Variants in ZNF710 observed in about 807,000 individuals in gnomAD.
ZNF710 encodes zinc finger protein 710.
ZNF710 carries 13 observed loss-of-function variants against 50.6 expected under a neutral mutation model. The observed-to-expected ratio is 0.26, with a 90% CI of 0.17 to 0.41. ZNF710 has a LOEUF of 0.41. Among genes scored for constraint, ZNF710 ranks in the 10% least tolerant of loss-of-function variants. The pLI is 1.00. For synonymous variants in ZNF710, 383 were observed against 397.0 expected (o/e 0.96, Z 0.42); for missense variants, 721 against 936.6 (o/e 0.77, Z 3.01).
intron 1 of ZNF710, among the ~76,000 whole-genome samples, chr15:90,031,535 CTG>C (rs1190987621): frequency 6.6e-6 from 1 of 152,216 alleles, no homozygotes; most frequent in East Asian, 1.9e-4. Context: ...TTCTAAAAAA[CTG>C]TAACTCTGGT....
chr15:90,008,441 C>CATATATATATATATATATATATATATAT (rs1011267136), intron 1 of ZNF710, among the ~76,000 whole-genome samples: 8 of 126,510 alleles, frequency 6.3e-5, no homozygotes, highest in African/African-American at 3.0e-4. Flanking sequence ...TATATATATA[C>CATATATATATATATATATATATATATAT]ATATATATAT....
intron 1 of ZNF710, among the ~76,000 whole-genome samples, chr15:90,016,908 C>T (rs1192223811): frequency 1.3e-5 from 2 of 152,228 alleles, no homozygotes; most frequent in African/African-American, 2.4e-5. Context: ...CAGCCAGCCA[C>T]ATCAGACACT....
intron 1 of ZNF710, among the ~76,000 whole-genome samples, chr15:90,033,185 G>A (rs1270286574): frequency 6.6e-6 from 1 of 152,138 alleles, no homozygotes; most frequent in African/African-American, 2.4e-5. Flanking sequence ...GGCGATTGGT[G>A]GCTTCATCTC....
rs574423016 is a variant in ZNF710 at position 90,033,553 on chromosome 15, T to C, written c.-29+31939T>C. Among the ~76,000 whole-genome samples the C allele has an allele frequency of 3.9e-5, 6 of 152,294 alleles. 1 individual carries two copies. In the South Asian group the frequency reaches 1.0e-3, roughly 26 times the overall value. ...CTGCCTTGTCCCATATGTTCCTTTTTCCTGTTTTTTTAGAGACAGGTTCTC... is the reference window on the plus strand; with the variant it reads ...CTGCCTTGTCCCATATGTTCCTTTTCCCTGTTTTTTTAGAGACAGGTTCTC... On this transcript the variant is annotated intron_variant, in intron 1 of 4. Coordinates refer to ENST00000268154, the MANE Select transcript of ZNF710 (RefSeq NM_198526.4).
intron 1 of ZNF710, among the ~76,000 whole-genome samples, chr15:90,003,526 T>C (rs902764775): frequency 2.0e-5 from 3 of 151,996 alleles, no homozygotes; most frequent in Admixed American, 2.0e-4. Context: ...TGTGTCCCTA[T>C]TGCATCTTCA....
intron 1 of ZNF710, among the ~76,000 whole-genome samples, chr15:90,009,478 C>T (rs537891930): frequency 6.6e-6 from 1 of 152,098 alleles, no homozygotes; most frequent in Non-Finnish European, 1.5e-5. Flanking sequence ...CAGAACTCTT[C>T]CTGTCCTCCC....
At chr15:90,001,966 T>TGAGA (rs745830369) in intron 1 of ZNF710, among the ~76,000 whole-genome samples, 1,285 of 96,800 alleles carry the variant, frequency 0.013, 13 homozygotes, top group African/African-American at 0.031. Context: ...AGCGCGCGAA[T>TGAGA]GAGAGAGAGA....
chr15:90,067,115 C>T lies in ZNF710; in HGVS notation c.-23C>T. On this transcript the variant is annotated 5_prime_UTR_variant, in exon 2 of 5. Transcript: ENST00000268154. This position sits in a 1 kb window ranked among gnomAD's most constrained non-coding sequence, Gnocchi z 8.1. ...CTTCCCTTCTCCACCCACAGCGATG[C>T]CCTCCTAGCTAGCCGTCACGGGATG... 1.3e-6 allele frequency: 2 copies of T among 1,566,014 alleles called. No homozygotes were observed. The highest frequency in any genetic ancestry group is 1.7e-6 in the Non-Finnish European group (2 of 1,154,514).
In ZNF710 at chr15:90,067,598, G is replaced by T. The variant is rs779823949; in HGVS notation, c.461G>T (p.Ser154Ile). The T allele has an allele frequency of 6.2e-7, 1 of 1,610,586 alleles. No individual in the cohort carries two copies. Among genetic ancestry groups the T allele is most frequent in the Non-Finnish European group, 8.5e-7 (1 of 1,178,602 alleles). ...SGGCDALVQS[S>I]AVKMIDLSAF... Reference sequence around the variant, plus strand: ...GGCTGCGACGCCCTGGTGCAGAGCAGCGCCGTCAAGATGATCGACCTCAGC... The same window carrying T: ...GGCTGCGACGCCCTGGTGCAGAGCATCGCCGTCAAGATGATCGACCTCAGC... The change falls in exon 2 of 5, where the codon AGC (serine) becomes ATC (isoleucine). Residue 154 changes from serine (S) to isoleucine (I), a missense_variant. By Grantham distance (142) the Ser-to-Ile change is moderately radical. This residue lies in a region of ZNF710 where 326 missense variants were observed against 347.1 expected (regional missense o/e 0.94). Transcript: ENST00000268154. This position sits in a 1 kb window ranked among gnomAD's most constrained non-coding sequence, Gnocchi z 8.1.
chr15:90,020,662 G>C (rs1191685156), intron 1 of ZNF710, among the ~76,000 whole-genome samples: 4 of 152,228 alleles, frequency 2.6e-5, no homozygotes. Flanking sequence ...TTTCCCCTGG[G>C]GTGGGCTTTG....
At chr15:90,021,252 A>C (rs1390461277) in intron 1 of ZNF710, among the ~76,000 whole-genome samples, 1 of 152,212 alleles carries the variant, frequency 6.6e-6, no homozygotes, top group Non-Finnish European at 1.5e-5. Context: ...GCCCCGCTGA[A>C]GCGGCTCAGA....
At chr15:90,007,025 A>T (rs1898157117) in intron 1 of ZNF710, among the ~76,000 whole-genome samples, 1 of 151,876 alleles carries the variant, frequency 6.6e-6, no homozygotes, top group African/African-American at 2.4e-5. Flanking sequence ...GTTGATGGAG[A>T]CCCTGCAGAC....
chr15:90,027,857 A>G (rs1285712074), intron 1 of ZNF710, among the ~76,000 whole-genome samples: 2 of 151,872 alleles, frequency 1.3e-5, no homozygotes, highest in Admixed American at 1.3e-4. Context: ...AAAAAAAAAA[A>G]AAAAGATTTA....
At chr15:90,048,136 A>G (rs1200115456) in intron 1 of ZNF710, among the ~76,000 whole-genome samples, 1 of 152,228 alleles carries the variant, frequency 6.6e-6, no homozygotes, top group African/African-American at 2.4e-5. Context: ...CGGTTTTGCC[A>G]TTAGGAATAA....
chr15:90,053,765 A>G (rs150003816), intron 1 of ZNF710, among the ~76,000 whole-genome samples: 12 of 152,230 alleles, frequency 7.9e-5, no homozygotes, highest in Non-Finnish European at 1.2e-4. Flanking sequence ...ACCTCAGAGA[A>G]GCAGGGCCAG....
At chr15:90,069,024 T>A (rs2151530351) in intron 2 of ZNF710, among the ~76,000 whole-genome samples, 1 of 152,174 alleles carries the variant, frequency 6.6e-6, no homozygotes, top group South Asian at 2.1e-4. Context: ...GGTCAGGAGT[T>A]CAAGACCAGC....
At chr15:90,060,069 C>T (rs941991494) in intron 1 of ZNF710, among the ~76,000 whole-genome samples, 3 of 150,614 alleles carry the variant, frequency 2.0e-5, no homozygotes, top group African/African-American at 2.4e-5. Flanking sequence ...ACTGCCTCCA[C>T]GGAAGCCAGT....
At chr15:90,039,042 G>A (rs114950457) in intron 1 of ZNF710, among the ~76,000 whole-genome samples, 2,731 of 152,270 alleles carry the variant, frequency 0.018, 72 homozygotes, top group African/African-American at 0.063. Context: ...ACTTTGGGAG[G>A]CCAGAGGGGG....
At chr15:90,047,060 T>C (rs1899485102) in intron 1 of ZNF710, among the ~76,000 whole-genome samples, 3 of 152,170 alleles carry the variant, frequency 2.0e-5, no homozygotes, top group Non-Finnish European at 4.4e-5. Context: ...CTTACGCCCA[T>C]GAAGATGCCC....
Sources: allele counts gnomAD v4.1 joint callset (sites outside exome capture counted in the v4.1 genomes callset), GRCh38; gene constraint gnomAD v4.1.1; regional missense constraint gnomAD v4.1.1; non-coding constraint Gnocchi (gnomAD v3.1); transcripts MANE v1.5; gene names NCBI Gene and HGNC (gene_info 2026-07-23, HGNC 2026-07-21).